HMBOX1: variants seen among roughly 807,000 people sequenced by gnomAD.
HMBOX1 encodes the protein homeobox containing 1.
In HMBOX1, 14 loss-of-function variants were observed where a neutral mutation model predicts 54.5. That is an observed-to-expected ratio of 0.26 (90% confidence interval 0.17 to 0.40). The LOEUF is 0.40. Among genes scored for constraint, HMBOX1 ranks in the 10% least tolerant of loss-of-function variants. The pLI is 1.00. For synonymous variants in HMBOX1, 160 were observed against 181.0 expected, an observed-to-expected ratio of 0.88 and a Z score of 0.93; for missense variants, 332 against 514.4, an observed-to-expected ratio of 0.65 and a Z score of 3.43.
intron 6 of HMBOX1, among the ~76,000 whole-genome samples, chr8:29,041,052 A>G (rs1804732873): frequency 6.6e-6 from 1 of 152,240 alleles, no homozygotes. Context: ...TGTATTGATC[A>G]TTAAACGAGT....
intron 1 of HMBOX1, among the ~76,000 whole-genome samples, chr8:28,933,247 C>G (rs1163855000): frequency 2.0e-5 from 3 of 152,116 alleles, no homozygotes; most frequent in Non-Finnish European, 2.9e-5. Context: ...TGTTTGCAAC[C>G]ACACTCTCCA....
chr8:28,899,444 T>C (rs1469898222), intron 1 of HMBOX1, among the ~76,000 whole-genome samples: 1 of 152,214 alleles, frequency 6.6e-6, no homozygotes, highest in African/African-American at 2.4e-5. Flanking sequence ...TCTATCTATA[T>C]AGTGACAACT....
chr8:28,986,689 T>C (rs1257295015), intron 4 of HMBOX1, among the ~76,000 whole-genome samples: 1 of 152,350 alleles, frequency 6.6e-6, no homozygotes, highest in East Asian at 1.9e-4. Flanking sequence ...ATAATTGTTT[T>C]CGCAGAGTGC....
chr8:28,918,446 G>A lies in HMBOX1; in HGVS notation c.-58+27768G>A, dbSNP rs777862304. Among the ~76,000 whole-genome samples the A allele has an allele frequency of 1.8e-4, 27 of 151,494 alleles. No homozygotes were observed. The East Asian group carries it at 1.9e-3, about 11-fold the overall frequency. On this transcript the variant is annotated intron_variant, in intron 1 of 9. Transcript: ENST00000287701. The stretch of plus-strand genomic sequence containing the variant: ...TCTCAATCTCCTGACCTTGTGATCC[G>A]CCTGCCTTGGCCTCCCAAAGTGTTG...
intron 1 of HMBOX1, among the ~76,000 whole-genome samples, chr8:28,960,622 T>A (rs1049498621): frequency 6.6e-6 from 1 of 150,978 alleles, no homozygotes; most frequent in African/African-American, 2.4e-5. Context: ...GTTTATACTT[T>A]AAAAAAAAAT....
Position 28,961,121 on chromosome 8 carries a change from C to T in HMBOX1, c.-57-2690C>T, listed in dbSNP as rs376999411. Reference sequence around the variant, plus strand: ...TTTATAGGTTGCTTGTTTTCTATGGCCAGGTGCTTGAATGTGATCCAGCAT... The same window carrying T: ...TTTATAGGTTGCTTGTTTTCTATGGTCAGGTGCTTGAATGTGATCCAGCAT... On this transcript the variant is annotated intron_variant, in intron 1 of 9. Coordinates refer to ENST00000287701, the MANE Select transcript of HMBOX1 (RefSeq NM_001135726.3). Among the ~76,000 whole-genome samples, 8 of 152,136 alleles carry T rather than the reference C, an allele frequency of 5.3e-5. No individual in the cohort carries two copies. In the East Asian group the frequency reaches 7.7e-4, roughly 15 times the overall value.
intron 6 of HMBOX1, among the ~76,000 whole-genome samples, chr8:29,043,231 T>G (rs1475622391): frequency 6.6e-6 from 1 of 152,164 alleles, no homozygotes; most frequent in African/African-American, 2.4e-5. Context: ...ATGCCCAGAG[T>G]CCTCAAAAGC....
At chr8:29,033,870 A>T (rs1164956161) in intron 6 of HMBOX1, among the ~76,000 whole-genome samples, 1 of 152,226 alleles carries the variant, frequency 6.6e-6, no homozygotes, top group African/African-American at 2.4e-5. Flanking sequence ...AATTCTAGGC[A>T]TCATATTATA....
chr8:28,959,385 A>G (rs1825058461), intron 1 of HMBOX1, among the ~76,000 whole-genome samples: 1 of 152,116 alleles, frequency 6.6e-6, no homozygotes, highest in South Asian at 2.1e-4. Context: ...CTGAAGGAGG[A>G]GCATGAGGTT....
intron 1 of HMBOX1, among the ~76,000 whole-genome samples, chr8:28,894,613 G>T (rs746311341): frequency 2.0e-5 from 3 of 152,214 alleles, no homozygotes; most frequent in Non-Finnish European, 4.4e-5. Flanking sequence ...GCCCTTACTG[G>T]ATTTAGGGCC....
At chr8:28,939,652 G>C (rs1821007682) in intron 1 of HMBOX1, among the ~76,000 whole-genome samples, 1 of 151,508 alleles carries the variant, frequency 6.6e-6, no homozygotes, top group African/African-American at 2.4e-5. Context: ...TGGGACTACA[G>C]GCACCCACCA....
intron 1 of HMBOX1, among the ~76,000 whole-genome samples, chr8:28,919,919 A>G (rs1817239944): frequency 6.6e-6 from 1 of 152,194 alleles, no homozygotes; most frequent in Non-Finnish European, 1.5e-5. Flanking sequence ...AATGAAAGCC[A>G]TAGTCAAAAG....
chr8:28,985,482 T>A (rs773343285), intron 4 of HMBOX1, among the ~76,000 whole-genome samples: 2 of 152,192 alleles, frequency 1.3e-5, no homozygotes, highest in African/African-American at 4.8e-5. Context: ...CTATGTATCT[T>A]TTCTAGCTGT....
intron 1 of HMBOX1, among the ~76,000 whole-genome samples, chr8:28,961,647 A>T (rs1442769818): frequency 6.6e-6 from 1 of 152,166 alleles, no homozygotes; most frequent in African/African-American, 2.4e-5. Flanking sequence ...TTTTGTGAAT[A>T]ATGCTGCTGT....
At chr8:28,973,766 G>A (rs562531789) in intron 3 of HMBOX1, among the ~76,000 whole-genome samples, 10 of 141,488 alleles carry the variant, frequency 7.1e-5, no homozygotes, top group East Asian at 2.2e-4. Flanking sequence ...TTGACTTCAC[G>A]AACTTCACTC....
At chr8:29,046,707 G>T (rs890458511) in intron 7 of HMBOX1, among the ~76,000 whole-genome samples, 1 of 152,192 alleles carries the variant, frequency 6.6e-6, no homozygotes, top group Non-Finnish European at 1.5e-5. Flanking sequence ...TTGGGTTGTT[G>T]TGGTGGCTCA....
rs141995181 is a variant in HMBOX1, at chr8:29,017,991, G to C, written c.698-769G>C. 1.1e-3 allele frequency among the ~76,000 whole-genome samples: 168 copies of C among 152,230 alleles called. 4 individuals carry two copies. In the East Asian group the frequency reaches 0.03, roughly 28 times the overall value. The stretch of plus-strand genomic sequence containing the variant: ...CTACAGGCAGAGAGAATTTTTTGAA[G>C]GTTTTTGATTAGAAGACCGATATGA... On this transcript the variant is annotated intron_variant, in intron 5 of 9. Transcript: ENST00000287701.
At chr8:28,959,663 G>A (rs916137744) in intron 1 of HMBOX1, among the ~76,000 whole-genome samples, 1 of 152,118 alleles carries the variant, frequency 6.6e-6, no homozygotes. Flanking sequence ...TAGGTTTGCT[G>A]TTGAATAATT....
chr8:28,958,401 C>A (rs1056088445), intron 1 of HMBOX1, among the ~76,000 whole-genome samples: 1 of 152,106 alleles, frequency 6.6e-6, no homozygotes, highest in Non-Finnish European at 1.5e-5. Context: ...ACCATTTTTC[C>A]TGTAAACTTT....
Sources: allele counts gnomAD v4.1 joint callset (sites outside exome capture counted in the v4.1 genomes callset), GRCh38; gene constraint gnomAD v4.1.1; transcripts MANE v1.5; gene names NCBI Gene and HGNC (gene_info 2026-07-23, HGNC 2026-07-21).